Variants in MAPT observed in about 807,000 individuals in gnomAD.
The protein encoded by MAPT is microtubule-associated protein tau.
MAPT carries 34 observed loss-of-function variants against 67.9 expected under a neutral mutation model. The observed-to-expected ratio is 0.50, with a 90% CI of 0.38 to 0.67. The LOEUF is 0.67. Ranked by LOEUF, MAPT falls within the 30% of genes least tolerant of loss-of-function variation. The pLI is 0.00. For synonymous variants in MAPT, 456 were observed against 464.5 expected, an observed-to-expected ratio of 0.98 and a Z score of 0.23; for missense variants, 881 against 1,115.2, an observed-to-expected ratio of 0.79 and a Z score of 2.99.
intron 12 of MAPT, among the ~76,000 whole-genome samples, chr17:46,020,664 CAA>C: frequency 6.6e-6 from 1 of 152,244 alleles, no homozygotes; most frequent in Non-Finnish European, 1.5e-5. Flanking sequence ...CGGTGGCAGA[CAA>C]GAGAAAAGAG....
intron 1 of MAPT, among the ~76,000 whole-genome samples, chr17:45,913,813 G>A (rs1167775829): frequency 6.6e-6 from 1 of 152,186 alleles, no homozygotes; most frequent in Non-Finnish European, 1.5e-5. Flanking sequence ...TGGCACTGGT[G>A]GGCATGAGGC....
At chr17:45,957,394 C>T (rs1484577894) in intron 1 of MAPT, among the ~76,000 whole-genome samples, 1 of 152,210 alleles carries the variant, frequency 6.6e-6, no homozygotes, top group African/African-American at 2.4e-5. Context: ...ACTCTAGCAG[C>T]TTCTTTTCAC....
At chr17:45,984,466 A>G (rs2073339954) in intron 5 of MAPT, among the ~76,000 whole-genome samples, 2 of 152,226 alleles carry the variant, frequency 1.3e-5, no homozygotes, top group South Asian at 2.1e-4. Flanking sequence ...GCATCCCACA[A>G]CGCCTCCCAG....
intron 1 of MAPT, among the ~76,000 whole-genome samples, chr17:45,918,839 C>G (rs1478620838): frequency 1.3e-5 from 2 of 152,118 alleles, no homozygotes; most frequent in Non-Finnish European, 2.9e-5. Flanking sequence ...CGGCGGATCA[C>G]TTGAGGTCAG....
chr17:45,973,883 G>A (rs191303201), intron 3 of MAPT: 32 of 170,086 alleles, frequency 1.9e-4, no homozygotes, highest in Admixed American at 1.6e-3. Context: ...TTAGGGGTTA[G>A]AGCTGGGAGA....
At chr17:45,923,415 A>G (rs2065950269) in intron 1 of MAPT, among the ~76,000 whole-genome samples, 1 of 151,792 alleles carries the variant, frequency 6.6e-6, no homozygotes, top group Admixed American at 6.6e-5. Context: ...GCATGAGACA[A>G]CCCCCAGGAA....
At chr17:45,975,140 T>G in intron 3 of MAPT, 1 of 152,512 alleles carries the variant, frequency 6.6e-6, no homozygotes, top group South Asian at 2.1e-4. Context: ...CTGCACAGCC[T>G]GGAGCTCCTG....
At chr17:45,922,316 G>C (rs1356860575) in intron 1 of MAPT, among the ~76,000 whole-genome samples, 2 of 152,164 alleles carry the variant, frequency 1.3e-5, no homozygotes, top group East Asian at 3.9e-4. Flanking sequence ...TTTGATGCCT[G>C]TTGGTTGCCA....
At chr17:45,946,169 G>A (rs1313412344) in intron 1 of MAPT, among the ~76,000 whole-genome samples, 1 of 152,014 alleles carries the variant, frequency 6.6e-6, no homozygotes, top group African/African-American at 2.4e-5. Context: ...ATCCACTTGG[G>A]GCTCTGGGTT....
At chr17:46,018,862 C>G in intron 12 of MAPT, 132 bp downstream of exon 12, 2 of 699,148 alleles carry the variant, frequency 2.9e-6, no homozygotes, top group East Asian at 5.4e-5. Flanking sequence ...GGATGTGGGC[C>G]CTCAGCAGCA....
chr17:45,936,014 AC>A (rs1441104082), intron 1 of MAPT, among the ~76,000 whole-genome samples: 1 of 151,824 alleles, frequency 6.6e-6, no homozygotes, highest in Non-Finnish European at 1.5e-5. Context: ...CCCAAACCCA[AC>A]CCCCAGAGGG....
intron 1 of MAPT, among the ~76,000 whole-genome samples, chr17:45,958,708 G>A (rs1293130850): frequency 1.3e-5 from 2 of 149,468 alleles, no homozygotes; most frequent in African/African-American, 2.5e-5. Flanking sequence ...GCAACAGAGT[G>A]AGACCCTGAC....
rs62056783 is a variant in MAPT at position 45,897,183 on chromosome 17, G to C, written c.-18+2497G>C. 0.14 allele frequency: 21,841 copies of C among 152,238 alleles called. 2,144 individuals carry two copies. The highest frequency in any genetic ancestry group is 0.22 in the Middle Eastern group (64 of 294). The allele number at this position is 152,238 out of a possible 1,614,324, so 9.4% of individuals were successfully genotyped here. A position where few individuals can be genotyped will look rare whatever the true frequency, so the allele number is the denominator to read the frequency against. On this transcript the variant is annotated intron_variant, in intron 1 of 12. Transcript: ENST00000262410. The surrounding 1 kb of genome is among the most constrained non-coding windows in gnomAD (Gnocchi z 5.0). ...CCCTCGCCCCCAGACAGAGCTGGGCGCGGGGTTCCCCTTCCAGATGGAGCG... is the reference window on the plus strand; with the variant it reads ...CCCTCGCCCCCAGACAGAGCTGGGCCCGGGGTTCCCCTTCCAGATGGAGCG...
At chr17:46,020,720 G>A (rs2146184417) in intron 12 of MAPT, among the ~76,000 whole-genome samples, 1 of 152,232 alleles carries the variant, frequency 6.6e-6, no homozygotes, top group South Asian at 2.1e-4. Flanking sequence ...CAGATCTCGG[G>A]AGACTTATTC....
At chr17:45,982,318 T>G (rs1188126701) in intron 4 of MAPT, among the ~76,000 whole-genome samples, 3 of 107,480 alleles carry the variant, frequency 2.8e-5, no homozygotes, top group Non-Finnish European at 5.1e-5. Flanking sequence ...TGAGACTCTG[T>G]CTCAAACCAA....
rs2074505596 is a variant in MAPT at position 45,996,712 on chromosome 17, GGGGTAGGGCTGTGCCTGGAA to G, written c.1998+60_1998+79del. 8 of 1,604,668 alleles carry G rather than the reference GGGGTAGGGCTGTGCCTGGAA, an allele frequency of 5.0e-6. No individual in the cohort carries two copies. Among genetic ancestry groups the G allele is most frequent in the African/African-American group, 1.3e-5 (1 of 74,618 alleles). On this transcript the variant is annotated intron_variant, in intron 9 of 12. Coordinates refer to ENST00000262410, the MANE Select transcript of MAPT (RefSeq NM_001377265.1). The surrounding 1 kb of genome is among the most constrained non-coding windows in gnomAD (Gnocchi z 4.5). ...GGAGGTGTGGGGGGCTGCGCCTGGA[GGGGTAGGGCTGTGCCTGGAA>G]GGGTAGGGCTGCGCCTGGAGGTGCG...
chr17:46,002,022 G>A (rs545114250), intron 9 of MAPT, among the ~76,000 whole-genome samples: 6 of 152,356 alleles, frequency 3.9e-5, no homozygotes, highest in African/African-American at 1.4e-4. Flanking sequence ...ACACTGCAAC[G>A]TGGAGCTCTT....
chr17:45,895,429 T>C (rs1473494803), intron 1 of MAPT: 6 of 152,356 alleles, frequency 3.9e-5, no homozygotes, highest in Non-Finnish European at 7.3e-5. Flanking sequence ...GCGCCGTGCC[T>C]GAGAACAGTG....
At chr17:45,940,734 GAC>G (rs1380986169) in intron 1 of MAPT, among the ~76,000 whole-genome samples, 1 of 152,104 alleles carries the variant, frequency 6.6e-6, no homozygotes, top group Non-Finnish European at 1.5e-5. Context: ...AAGTCTCAGG[GAC>G]ACAGTTTCTA....
Sources: gnomAD v4.1 joint callset for allele counts (sites outside exome capture counted in the v4.1 genomes callset) on GRCh38, gnomAD v4.1.1 for gene constraint, Gnocchi (gnomAD v3.1) non-coding constraint, MANE v1.5 for transcripts, NCBI Gene and HGNC (gene_info 2026-07-23, HGNC 2026-07-21) for gene names.